The following CHD7 variants were observed in gnomAD, a reference collection of about 807,000 sequenced individuals.
The protein encoded by CHD7 is chromodomain helicase DNA binding protein 7.
CHD7 carries 24 observed loss-of-function variants against 307.3 expected under a neutral mutation model. That is an observed-to-expected ratio of 0.08 (90% CI 0.06 to 0.11). The LOEUF (loss-of-function observed/expected upper bound fraction) is 0.11. Ranked by LOEUF, CHD7 falls within the 10% of genes least tolerant of loss-of-function variation. The pLI is 1.00. For synonymous variants in CHD7, 1,363 were observed against 1,349.9 expected, an observed-to-expected ratio of 1.01 and a Z score of -0.21; for missense variants, 3,106 against 3,727.1, an observed-to-expected ratio of 0.83 and a Z score of 4.34.
intron 6 of CHD7, among the ~76,000 whole-genome samples, chr8:60,801,948 C>T (rs960078671): frequency 1.1e-4 from 16 of 152,218 alleles, no homozygotes; most frequent in African/African-American, 3.9e-4. Flanking sequence ...AAGGTTCCCC[C>T]CTCTTTCATG....
chr8:60,848,633 C>G (rs754017331), intron 24 of CHD7, 29 bp downstream of exon 24: 1 of 1,537,840 alleles, frequency 6.5e-7, no homozygotes, highest in Admixed American at 1.7e-5. Flanking sequence ...TTGTTCTCAA[C>G]CTCAGTGAGA....
chr8:60,736,074 C>T (rs1450551887), intron 1 of CHD7, among the ~76,000 whole-genome samples: 1 of 152,176 alleles, frequency 6.6e-6, no homozygotes, highest in Non-Finnish European at 1.5e-5. Flanking sequence ...GTGGTCTTGG[C>T]CCCCTTGGCC....
At chr8:60,679,917 T>G (rs1445907711) in intron 1 of CHD7, 3 of 150,712 alleles carry the variant, frequency 2.0e-5, no homozygotes, top group South Asian at 2.1e-4. Context: ...GAGCCCGGAG[T>G]TGGGGGCTCC....
chr8:60,679,609 G>C (rs1230830034), intron 1 of CHD7: 1 of 148,368 alleles, frequency 6.7e-6, no homozygotes, highest in Non-Finnish European at 1.5e-5. Context: ...GCGCGGGCGC[G>C]GGGCGGCTGA....
chr8:60,700,916 C>T lies in CHD7; in HGVS notation c.-175+21834C>T, dbSNP rs540198171. 2.8e-4 allele frequency among the ~76,000 whole-genome samples: 42 copies of T among 152,336 alleles called. 1 individual carries two copies. The highest frequency in any genetic ancestry group is 6.5e-4 in the Admixed American group (10 of 15,302). On this transcript the variant is annotated intron_variant, in intron 1 of 37. Coordinates refer to ENST00000423902, the MANE Select transcript of CHD7 (RefSeq NM_017780.4). ...GTTGTCACTGCCTCAGAGCACGGTG[C>T]TTCTCACAAGTGGCACGCTGCTCAC...
chr8:60,851,386 G>A, intron 28 of CHD7, 67 bp downstream of exon 28: 1 of 1,191,418 alleles, frequency 8.4e-7, no homozygotes, highest in Non-Finnish European at 1.2e-6. Flanking sequence ...TCACGTGGTA[G>A]GGACTGTCCT....
intron 10 of CHD7, 23 bp from the exon 11 acceptor site, chr8:60,822,001 G>A (rs777928731): frequency 1.2e-6 from 2 of 1,613,510 alleles, no homozygotes; most frequent in African/African-American, 1.3e-5. Flanking sequence ...AACCACTAAT[G>A]GGATTTACTA....
At chr8:60,790,510 T>C (rs1811723988) in intron 3 of CHD7, among the ~76,000 whole-genome samples, 1 of 152,268 alleles carries the variant, frequency 6.6e-6, no homozygotes, top group South Asian at 2.1e-4. Flanking sequence ...TACTGAGCTT[T>C]ATAGGCGTTT....
chr8:60,844,912 A>G lies in CHD7; in HGVS notation c.4899A>G (p.Gln1633=), dbSNP rs761002319. 3.1e-6 allele frequency: 5 copies of G among 1,612,738 alleles called. No individual in the cohort carries two copies. In the African/African-American group the frequency reaches 4.0e-5, roughly 13 times the overall value. The change falls in exon 22 of 38, where the codon CAA becomes CAG. Residue 1633 remains glutamine, a synonymous_variant. Transcript: ENST00000423902. ...DILSHGRYKR[Q]LTEQDVETIC... ...TTTCCCACGGACGCTATAAACGCCA[A>G]CTCACTGAGCAAGATGTAGAAACCA...
intron 6 of CHD7, among the ~76,000 whole-genome samples, chr8:60,806,228 G>A (rs1006642884): frequency 1.3e-5 from 2 of 152,120 alleles, no homozygotes; most frequent in African/African-American, 4.8e-5. Flanking sequence ...GCCGGGCATG[G>A]TGGCGGGGCC....
chr8:60,762,260 C>T (rs1284111631), intron 2 of CHD7, among the ~76,000 whole-genome samples: 1 of 152,232 alleles, frequency 6.6e-6, no homozygotes, highest in Non-Finnish European at 1.5e-5. Context: ...CCCTGAGCTT[C>T]TGGCACATAA....
intron 1 of CHD7, among the ~76,000 whole-genome samples, chr8:60,712,110 AAC>A (rs1807307685): frequency 6.6e-6 from 1 of 152,232 alleles, no homozygotes; most frequent in African/African-American, 2.4e-5. Context: ...GGTATCTGTT[AAC>A]ACAGATTAAC....
At position 60,736,276 on chromosome 8, in the gene CHD7, T is replaced by C. The variant is rs116974164; in HGVS notation, c.-174-4983T>C. On this transcript the variant is annotated intron_variant, in intron 1 of 37. Transcript: ENST00000423902. ...CCTGCTAGATGTTCCCAAGTGGCTG[T>C]TGGGGGCTGGGTTGTGGGTGGGGCA... Among the ~76,000 whole-genome samples, 8 of 152,252 alleles carry C rather than the reference T, an allele frequency of 5.3e-5. No individual in the cohort carries two copies. The South Asian group carries it at 8.3e-4, about 16-fold the overall frequency.
In CHD7 at chr8:60,866,202, T is replaced by C. The variant is rs1806237509; in HGVS notation, c.*269T>C. On this transcript the variant is annotated 3_prime_UTR_variant, in exon 38 of 38. Coordinates refer to ENST00000423902, the MANE Select transcript of CHD7 (RefSeq NM_017780.4). ...AGGAAACTTACATAATGCTCTGCTT[T>C]TTTTTTTTCTCTTGGTACCATTGGT... 1 of 288,274 alleles carries C rather than the reference T, an allele frequency of 3.5e-6. No homozygotes were observed. The highest frequency in any genetic ancestry group is 4.6e-5 in the Admixed American group (1 of 21,712). 17.9% of individuals were successfully genotyped at this position (288,274 alleles called of 1,614,324 possible).
chr8:60,749,788 A>T (rs1197676738), intron 2 of CHD7, among the ~76,000 whole-genome samples: 1 of 152,200 alleles, frequency 6.6e-6, no homozygotes, highest in Non-Finnish European at 1.5e-5. Flanking sequence ...TCTTCATGAC[A>T]TCTTTAGTTA....
chr8:60,753,799 A>AT (rs1049152744), intron 2 of CHD7, among the ~76,000 whole-genome samples: 1 of 151,536 alleles, frequency 6.6e-6, no homozygotes, highest in Non-Finnish European at 1.5e-5. Flanking sequence ...TGATTTTTGT[A>AT]TTTTTAGTAG....
Position 60,790,853 on chromosome 8 carries a change from G to A in CHD7, c.2097-4133G>A, listed in dbSNP as rs556270941. Among the ~76,000 whole-genome samples the A allele has an allele frequency of 7.2e-5, 11 of 152,318 alleles. No homozygotes were observed. The East Asian group carries it at 1.9e-3, about 27-fold the overall frequency. On this transcript the variant is annotated intron_variant, in intron 3 of 37. Coordinates refer to ENST00000423902, the MANE Select transcript of CHD7 (RefSeq NM_017780.4). ...ATATCCCTTGTATGGGGTACATCAT[G>A]TGACATGTGGGTGGAGTGAGGAGAT...
In CHD7 at chr8:60,795,363, A is replaced by G. The variant is rs528196738; in HGVS notation, c.2238+236A>G. Among the ~76,000 whole-genome samples the G allele has an allele frequency of 2.0e-5, 3 of 152,316 alleles. No individual in the cohort carries two copies. The South Asian group carries it at 6.2e-4, about 32-fold the overall frequency. Reference sequence around the variant, plus strand: ...TGCTATCTTTGACTCTATAATTAATAAGGCAAAGATTCTTCATTTATTTCT... The same window carrying G: ...TGCTATCTTTGACTCTATAATTAATGAGGCAAAGATTCTTCATTTATTTCT... On this transcript the variant is annotated intron_variant, in intron 4 of 37. Transcript: ENST00000423902.
At chr8:60,691,725 A>G (rs1010517053) in intron 1 of CHD7, among the ~76,000 whole-genome samples, 4 of 152,186 alleles carry the variant, frequency 2.6e-5, no homozygotes, top group African/African-American at 9.7e-5. Context: ...TAATGCATCC[A>G]TTGGTCTTTA....
Sources: gnomAD v4.1 joint callset for allele counts (sites outside exome capture counted in the v4.1 genomes callset) on GRCh38, gnomAD v4.1.1 for gene constraint, MANE v1.5 for transcripts, NCBI Gene and HGNC (gene_info 2026-07-23, HGNC 2026-07-21) for gene names.